Variants in ZMAT4 observed in about 807,000 individuals in gnomAD.
ZMAT4 encodes zinc finger matrin-type protein 4.
A neutral mutation model predicts 28.7 loss-of-function variants in ZMAT4; 17 were observed. That is an observed-to-expected ratio of 0.59 (90% CI 0.41 to 0.89). The LOEUF (loss-of-function observed/expected upper bound fraction) is 0.89. Among genes scored for constraint, ZMAT4 ranks in the 40% least tolerant of loss-of-function variants. ZMAT4 has a pLI of 0.00. For synonymous variants in ZMAT4, 117 were observed against 109.2 expected (o/e 1.07, Z -0.44); for missense variants, 240 against 283.8 (o/e 0.85, Z 1.11).
intron 1 of ZMAT4, among the ~76,000 whole-genome samples, chr8:40,837,598 G>A (rs976028951): frequency 6.6e-6 from 1 of 152,166 alleles, no homozygotes; most frequent in African/African-American, 2.4e-5. Flanking sequence ...AGATATTCAA[G>A]GGTCTGAGAG....
intron 3 of ZMAT4, among the ~76,000 whole-genome samples, chr8:40,735,715 CA>C (rs1475119534): frequency 6.6e-6 from 1 of 152,108 alleles, no homozygotes; most frequent in Non-Finnish European, 1.5e-5. Context: ...TCAGTGTATT[CA>C]ATAGTCTCTG....
intron 1 of ZMAT4, among the ~76,000 whole-genome samples, chr8:40,892,414 G>C (rs1383277731): frequency 6.6e-6 from 1 of 152,156 alleles, no homozygotes; most frequent in Non-Finnish European, 1.5e-5. Flanking sequence ...GCCCCTCCCA[G>C]CCACTCAGCC....
intron 2 of ZMAT4, among the ~76,000 whole-genome samples, chr8:40,772,046 G>A (rs1199691932): frequency 6.6e-6 from 1 of 152,100 alleles, no homozygotes; most frequent in African/African-American, 2.4e-5. Flanking sequence ...ATTACATTAA[G>A]GGAAAAGACA....
chr8:40,544,181 C>G (rs945266284), intron 6 of ZMAT4, among the ~76,000 whole-genome samples: 3 of 152,114 alleles, frequency 2.0e-5, no homozygotes, highest in Non-Finnish European at 4.4e-5. Context: ...GCTGAAGGTG[C>G]CATCTGGCTT....
chr8:40,630,686 C>G (rs1049231628), intron 5 of ZMAT4, among the ~76,000 whole-genome samples: 2 of 152,184 alleles, frequency 1.3e-5, no homozygotes, highest in African/African-American at 2.4e-5. Flanking sequence ...ACCCCAGTCA[C>G]AGTTAATGCA....
intron 1 of ZMAT4, among the ~76,000 whole-genome samples, chr8:40,845,906 A>T (rs940209938): frequency 7.9e-5 from 12 of 152,108 alleles, no homozygotes; most frequent in Admixed American, 2.0e-4. Flanking sequence ...AGATGTCAAG[A>T]GGAGAACCAG....
chr8:40,793,499 C>A (rs748207593), intron 2 of ZMAT4, among the ~76,000 whole-genome samples: 1 of 152,212 alleles, frequency 6.6e-6, no homozygotes, highest in Non-Finnish European at 1.5e-5. Flanking sequence ...CATGATTTAA[C>A]AACAGCCTTG....
intron 5 of ZMAT4, among the ~76,000 whole-genome samples, chr8:40,613,133 T>A (rs1230256417): frequency 6.6e-6 from 1 of 151,104 alleles, no homozygotes; most frequent in African/African-American, 2.4e-5. Context: ...TTCTCTAAAC[T>A]TGAAATCTTT....
intron 5 of ZMAT4, among the ~76,000 whole-genome samples, chr8:40,655,505 A>G (rs1448931356): frequency 1.4e-5 from 2 of 146,732 alleles, no homozygotes; most frequent in African/African-American, 2.5e-5. Flanking sequence ...AAAAGTCTGG[A>G]AAAAAAAAAA....
At chr8:40,736,826 G>A (rs1310532525) in intron 3 of ZMAT4, among the ~76,000 whole-genome samples, 1 of 152,148 alleles carries the variant, frequency 6.6e-6, no homozygotes, top group Non-Finnish European at 1.5e-5. Context: ...AAAGAGATGA[G>A]GGGCTAAGCA....
At chr8:40,825,330 T>C (rs1411874037) in intron 2 of ZMAT4, among the ~76,000 whole-genome samples, 1 of 152,098 alleles carries the variant, frequency 6.6e-6, no homozygotes, top group Non-Finnish European at 1.5e-5. Context: ...CTCCAGGGGC[T>C]GAGATACAAA....
chr8:40,545,220 G>A (rs866749065), intron 6 of ZMAT4, among the ~76,000 whole-genome samples: 1 of 152,114 alleles, frequency 6.6e-6, no homozygotes, highest in African/African-American at 2.4e-5. Flanking sequence ...TGAGCCTTAA[G>A]ATGATGATGG....
intron 5 of ZMAT4, among the ~76,000 whole-genome samples, chr8:40,592,234 G>T (rs983518449): frequency 3.9e-5 from 6 of 152,108 alleles, no homozygotes; most frequent in African/African-American, 1.4e-4. Flanking sequence ...TTCCCATAAG[G>T]ATAATATTAG....
intron 3 of ZMAT4, among the ~76,000 whole-genome samples, chr8:40,740,775 A>G (rs529667214): frequency 6.6e-6 from 1 of 152,340 alleles, no homozygotes; most frequent in African/African-American, 2.4e-5. Flanking sequence ...CTCCTTACAC[A>G]TAAAACGAAC....
At chr8:40,668,189 T>A (rs1808512104) in intron 5 of ZMAT4, among the ~76,000 whole-genome samples, 1 of 150,948 alleles carries the variant, frequency 6.6e-6, no homozygotes, top group South Asian at 2.1e-4. Flanking sequence ...TATTGAGGAG[T>A]GGCTGGGCGC....
chr8:40,821,031 GTGTA>G (rs1401214433), intron 2 of ZMAT4, among the ~76,000 whole-genome samples: 1 of 147,590 alleles, frequency 6.8e-6, no homozygotes, highest in Non-Finnish European at 1.5e-5. Flanking sequence ...GCGTGTGTAT[GTGTA>G]TGTATGTGTG....
intron 3 of ZMAT4, among the ~76,000 whole-genome samples, chr8:40,743,862 C>T (rs1812115414): frequency 6.6e-6 from 1 of 152,100 alleles, no homozygotes; most frequent in South Asian, 2.1e-4. Flanking sequence ...GCTGTGGAGC[C>T]ACAGATCACG....
At chr8:40,722,775 G>A (rs1811156225) in intron 3 of ZMAT4, among the ~76,000 whole-genome samples, 1 of 152,274 alleles carries the variant, frequency 6.6e-6, no homozygotes, top group South Asian at 2.1e-4. Flanking sequence ...CTCCAGAATG[G>A]TTTGACTCTA....
intron 1 of ZMAT4, among the ~76,000 whole-genome samples, chr8:40,876,753 G>C (rs766943549): frequency 1.3e-5 from 2 of 152,170 alleles, no homozygotes; most frequent in African/African-American, 4.8e-5. Flanking sequence ...TCAGTAGTAG[G>C]CTATTAGTAG....
Sources: gnomAD v4.1 joint callset for allele counts (sites outside exome capture counted in the v4.1 genomes callset) on GRCh38, gnomAD v4.1.1 for gene constraint, MANE v1.5 for transcripts, NCBI Gene and HGNC (gene_info 2026-07-23, HGNC 2026-07-21) for gene names.